The following LYPD6 variants were observed in gnomAD, a reference collection of about 807,000 sequenced individuals.
The protein encoded by LYPD6 is ly6/PLAUR domain-containing protein 6.
LYPD6 carries 15 observed loss-of-function variants against 22.7 expected under a neutral mutation model. The ratio of observed to expected loss-of-function variants is 0.66; its 90% CI spans 0.44 to 1.02. The LOEUF is 1.02. LYPD6 is among the 50% of genes least tolerant of loss of function. LYPD6 has a pLI of 0.00. For synonymous variants in LYPD6, 72 were observed against 77.5 expected, an observed-to-expected ratio of 0.93 and a Z score of 0.37; for missense variants, 189 against 208.4, an observed-to-expected ratio of 0.91 and a Z score of 0.57.
chr2:149,382,011 A>G (rs1682077126), intron 1 of LYPD6, among the ~76,000 whole-genome samples: 1 of 152,074 alleles, frequency 6.6e-6, no homozygotes, highest in Non-Finnish European at 1.5e-5. Flanking sequence ...CAGATTAAGT[A>G]TTTTTTGTTC....
In LYPD6 at chr2:149,437,712, G is replaced by A. The variant is rs762894906; in HGVS notation, c.4G>A (p.Glu2Lys). M[E>K]PGPALAWLLL... Reference sequence around the variant, plus strand: ...ATGAGTGACACTTCAGTCTGCCATGGAACCTGGCCCTGCTCTGGCCTGGCT... The same window carrying A: ...ATGAGTGACACTTCAGTCTGCCATGAAACCTGGCCCTGCTCTGGCCTGGCT... The change falls in exon 2 of 5, where the codon GAA becomes AAA. Residue 2 changes from glutamate to lysine, a missense_variant. Glu to Lys is a moderately conservative substitution (Grantham distance 56). Coordinates refer to ENST00000334166, the MANE Select transcript of LYPD6 (RefSeq NM_194317.5). 6.2e-7 allele frequency: 1 copy of A among 1,614,058 alleles called. No individual in the cohort carries two copies. The highest frequency in any genetic ancestry group is 2.2e-5 in the East Asian group (1 of 44,858).
Position 149,451,640 on chromosome 2 carries a change from G to A in LYPD6, c.217+2493G>A, listed in dbSNP as rs533233869. Reference sequence around the variant, plus strand: ...AAGTTCCATCTTGATACTTTCTTTTGAGGTCATAATCTATCATTTCAAAGT... The same window carrying A: ...AAGTTCCATCTTGATACTTTCTTTTAAGGTCATAATCTATCATTTCAAAGT... On this transcript the variant is annotated intron_variant, in intron 3 of 4. Coordinates refer to ENST00000334166, the MANE Select transcript of LYPD6 (RefSeq NM_194317.5). Among the ~76,000 whole-genome samples, 24 of 152,258 alleles carry A rather than the reference G, an allele frequency of 1.6e-4. No homozygotes were observed. In the South Asian group the frequency reaches 5.0e-3, roughly 32 times the overall value.
chr2:149,371,345 T>A (rs1318049247), intron 1 of LYPD6, among the ~76,000 whole-genome samples: 1 of 152,210 alleles, frequency 6.6e-6, no homozygotes, highest in Non-Finnish European at 1.5e-5. Context: ...CTTCCATGCA[T>A]CTTTAGCAAG....
intron 1 of LYPD6, among the ~76,000 whole-genome samples, chr2:149,342,482 A>G (rs1024229210): frequency 6.6e-6 from 1 of 152,112 alleles, no homozygotes; most frequent in Non-Finnish European, 1.5e-5. Context: ...TGGATACAGC[A>G]TATGTTGAAT....
intron 1 of LYPD6, among the ~76,000 whole-genome samples, chr2:149,407,804 G>A (rs537778689): frequency 2.0e-5 from 3 of 152,094 alleles, no homozygotes; most frequent in Non-Finnish European, 4.4e-5. Context: ...AGGAGGAGAG[G>A]CACTCTGGTT....
chr2:149,443,930 C>CTTTTTT (rs766245738), intron 2 of LYPD6, among the ~76,000 whole-genome samples: 13 of 114,080 alleles, frequency 1.1e-4, no homozygotes, highest in South Asian at 2.9e-4. Context: ...ATGTGCATAT[C>CTTTTTT]TTTTTTTTTT....
chr2:149,417,001 G>A (rs1682978634), intron 1 of LYPD6, among the ~76,000 whole-genome samples: 1 of 152,094 alleles, frequency 6.6e-6, no homozygotes, highest in Non-Finnish European at 1.5e-5. Context: ...CGTGCCTATG[G>A]ACCAGCCAGT....
rs58309346 is a variant in LYPD6 at position 149,468,132 on chromosome 2, AACACACACACACAC to A, written c.218-470_218-457del. On this transcript the variant is annotated intron_variant, in intron 3 of 4. Transcript: ENST00000334166. The stretch of plus-strand genomic sequence containing the variant: ...CTCTTGTGAATAGCTGCTTCCCCCC[AACACACACACACAC>A]ACACACACACACACACACACACACA... Among the ~76,000 whole-genome samples, 600 of 114,712 alleles carry A rather than the reference AACACACACACACAC, an allele frequency of 5.2e-3. 8 individuals carry two copies. Among genetic ancestry groups the A allele is most frequent in the African/African-American group, 0.015 (457 of 29,828 alleles). The allele number at this position is 114,712 out of a possible 152,430, so 75.3% of individuals were successfully genotyped here. A position where few individuals can be genotyped will look rare whatever the true frequency, so the allele number is the denominator to read the frequency against.
At chr2:149,470,080 C>T (rs1055686003) in intron 4 of LYPD6, among the ~76,000 whole-genome samples, 5 of 152,104 alleles carry the variant, frequency 3.3e-5, no homozygotes, top group African/African-American at 1.2e-4. Flanking sequence ...TAGCCATGCC[C>T]CAAGAAAGTT....
intron 2 of LYPD6, among the ~76,000 whole-genome samples, chr2:149,448,170 G>A: frequency 6.6e-6 from 1 of 152,190 alleles, no homozygotes; most frequent in East Asian, 1.9e-4. Flanking sequence ...GCACATGCCT[G>A]TAATCCCAGC....
At chr2:149,346,793 C>T (rs367779423) in intron 1 of LYPD6, among the ~76,000 whole-genome samples, 2 of 152,134 alleles carry the variant, frequency 1.3e-5, no homozygotes, top group African/African-American at 2.4e-5. Context: ...CTCCGCCTCC[C>T]GGGTTCTAGC....
chr2:149,411,401 T>C (rs1391205159), intron 1 of LYPD6, among the ~76,000 whole-genome samples: 1 of 152,186 alleles, frequency 6.6e-6, no homozygotes, highest in Non-Finnish European at 1.5e-5. Flanking sequence ...TTCAGGAAAC[T>C]TGGAGCTGTG....
chr2:149,420,408 G>A (rs368135073), intron 1 of LYPD6, among the ~76,000 whole-genome samples: 22 of 152,272 alleles, frequency 1.4e-4, no homozygotes, highest in African/African-American at 5.1e-4. Flanking sequence ...TGACCGTCCC[G>A]CTGGCTACCT....
chr2:149,333,514 A>T (rs1415065411), intron 1 of LYPD6, among the ~76,000 whole-genome samples: 1 of 152,234 alleles, frequency 6.6e-6, no homozygotes, highest in Admixed American at 6.5e-5. Flanking sequence ...TCAAAAAATG[A>T]TAGAACTTCT....
At chr2:149,360,191 G>A (rs554797975) in intron 1 of LYPD6, among the ~76,000 whole-genome samples, 28 of 152,340 alleles carry the variant, frequency 1.8e-4, no homozygotes, top group Non-Finnish European at 3.5e-4. Context: ...ATAATGAGCA[G>A]TGAGGACGAC....
At chr2:149,392,469 T>C (rs539186333) in intron 1 of LYPD6, among the ~76,000 whole-genome samples, 1 of 152,248 alleles carries the variant, frequency 6.6e-6, no homozygotes, top group African/African-American at 2.4e-5. Context: ...GTGGGACTTG[T>C]GAATGCTTGG....
intron 1 of LYPD6, among the ~76,000 whole-genome samples, chr2:149,345,532 G>T (rs1380382251): frequency 6.6e-6 from 1 of 150,688 alleles, no homozygotes; most frequent in African/African-American, 2.4e-5. Context: ...AGCCAGGACA[G>T]TTTTGATCTC....
chr2:149,427,125 T>G (rs891987087), intron 1 of LYPD6, among the ~76,000 whole-genome samples: 4 of 152,154 alleles, frequency 2.6e-5, no homozygotes, highest in Admixed American at 2.6e-4. Context: ...AAGGTAACTC[T>G]TTTTTTGATT....
chr2:149,443,469 T>C (rs1367916465), intron 2 of LYPD6, among the ~76,000 whole-genome samples: 1 of 152,178 alleles, frequency 6.6e-6, no homozygotes, highest in Non-Finnish European at 1.5e-5. Context: ...TTTTGAGAAA[T>C]GCTGTTCTCT....
Sources: gnomAD v4.1 joint callset for allele counts (sites outside exome capture counted in the v4.1 genomes callset) on GRCh38, gnomAD v4.1.1 for gene constraint, MANE v1.5 for transcripts, NCBI Gene and HGNC (gene_info 2026-07-23, HGNC 2026-07-21) for gene names.